Variants in SPRY3 observed in about 807,000 individuals in gnomAD.
SPRY3 encodes the protein protein sprouty homolog 3.
In SPRY3, 15 loss-of-function variants were observed where a neutral mutation model predicts 20.2. The ratio of observed to expected loss-of-function variants is 0.74; its 90% confidence interval spans 0.50 to 1.14. SPRY3 has a LOEUF of 1.14. SPRY3 is among the 50% of genes most tolerant of loss of function. The probability of loss-of-function intolerance (pLI) is 0.00; values close to 1 mark genes in which losing one functional copy is unlikely to be tolerated. For missense variants in SPRY3, 364 were observed against 363.9 expected, an observed-to-expected ratio of 1.00 and a Z score of 0.00; for synonymous variants, 143 against 136.5, an observed-to-expected ratio of 1.05 and a Z score of -0.33.
chrX:155,633,402 A>T (rs1306212263), intron 1 of SPRY3, among the ~76,000 whole-genome samples: 2 of 105,955 alleles, frequency 1.9e-5, no homozygotes, highest in Non-Finnish European at 3.9e-5. Context: ...AAAAAAAAAA[A>T]AGTTCATAGA....
intron 1 of SPRY3, among the ~76,000 whole-genome samples, chrX:155,617,853 C>A (rs1557349059): frequency 1.8e-5 from 2 of 111,731 alleles, no homozygotes; most frequent in Non-Finnish European, 3.8e-5. Flanking sequence ...TCATATATTT[C>A]TTTGGTTTTA....
intron 1 of SPRY3, among the ~76,000 whole-genome samples, chrX:155,633,376 TAAAA>T (rs1170609386): frequency 2.9e-3 from 62 of 21,092 alleles, no homozygotes; most frequent in South Asian, 0.026. Flanking sequence ...CCGTCTCTAC[TAAAA>T]AAAAAAAAAA....
chrX:155,743,189 C>T (rs2091211497), intron 2 of SPRY3, among the ~76,000 whole-genome samples: 1 of 152,132 alleles, frequency 6.6e-6, no homozygotes, highest in South Asian at 2.1e-4. Context: ...CTATAAACAC[C>T]TCTGTGCAAA....
At chrX:155,724,789 T>C (rs1433936867) in intron 2 of SPRY3, among the ~76,000 whole-genome samples, 3 of 152,188 alleles carry the variant, frequency 2.0e-5, no homozygotes, top group Non-Finnish European at 4.4e-5. Flanking sequence ...CTTCCTCTTT[T>C]TCTAATTGAA....
chrX:155,740,185 A>G (rs1194710877), intron 2 of SPRY3, among the ~76,000 whole-genome samples: 1 of 152,158 alleles, frequency 6.6e-6, no homozygotes, highest in Non-Finnish European at 1.5e-5. Flanking sequence ...TATCTTCATA[A>G]GCTGAGGATG....
At chrX:155,634,346 A>G (rs190776178) in intron 1 of SPRY3, among the ~76,000 whole-genome samples, 34 of 111,800 alleles carry the variant, frequency 3.0e-4, no homozygotes, top group Admixed American at 2.9e-3. Flanking sequence ...ATTTACCATA[A>G]TATTTCTGCT....
chrX:155,732,467 G>T (rs1051198772), intron 2 of SPRY3, among the ~76,000 whole-genome samples: 1 of 152,016 alleles, frequency 6.6e-6, no homozygotes, highest in Admixed American at 6.6e-5. Flanking sequence ...TCTCAGCCCA[G>T]TTAAAATTGA....
At chrX:155,683,299 G>A (rs2068078846) in intron 2 of SPRY3, among the ~76,000 whole-genome samples, 1 of 111,403 alleles carries the variant, frequency 9.0e-6, no homozygotes, top group Admixed American at 9.5e-5. Flanking sequence ...AGAGTCGGTC[G>A]AGTGGGCAAA....
chrX:155,766,585 A>G (rs2091331730), intron 2 of SPRY3, among the ~76,000 whole-genome samples: 2 of 152,190 alleles, frequency 1.3e-5, no homozygotes, highest in South Asian at 4.2e-4. Flanking sequence ...ACTTGAAATC[A>G]GATCTCCTTT....
chrX:155,621,997 A>C (rs921107066), intron 1 of SPRY3, among the ~76,000 whole-genome samples: 1 of 111,577 alleles, frequency 9.0e-6, no homozygotes, highest in East Asian at 2.8e-4. Flanking sequence ...GGTCCTCACT[A>C]TCAAGTCAGT....
At chrX:155,774,738 A>T (rs768175750) in exon 4 of SPRY3, 67 of 1,606,782 alleles carry the variant, frequency 4.2e-5, no homozygotes, top group Non-Finnish European at 5.1e-5. Context: ...AGTCTGTATG[A>T]CCTTCCAACA....
intron 2 of SPRY3, among the ~76,000 whole-genome samples, chrX:155,745,730 A>G (rs780421487): frequency 1.3e-5 from 2 of 152,228 alleles, no homozygotes; most frequent in East Asian, 1.9e-4. Context: ...GCTTAAGATA[A>G]AATATGTAAT....
intron 1 of SPRY3, among the ~76,000 whole-genome samples, chrX:155,623,933 A>G (rs1435953632): frequency 8.9e-6 from 1 of 112,088 alleles, no homozygotes; most frequent in Non-Finnish European, 1.9e-5. Context: ...CATCTGGGAG[A>G]TAAGGTTAAT....
At chrX:155,714,562 G>A (rs182976090) in intron 2 of SPRY3, among the ~76,000 whole-genome samples, 95 of 152,236 alleles carry the variant, frequency 6.2e-4, no homozygotes, top group Non-Finnish European at 2.9e-4. Context: ...CTGGGAGTGT[G>A]GTGATGCAAG....
At chrX:155,678,154 C>T (rs1603132462) in intron 2 of SPRY3, among the ~76,000 whole-genome samples, 1 of 111,318 alleles carries the variant, frequency 9.0e-6, no homozygotes, top group South Asian at 3.8e-4. Flanking sequence ...GTAGGGAACC[C>T]TACAGACCCT....
chrX:155,617,785 T>C (rs1467104946), intron 1 of SPRY3, among the ~76,000 whole-genome samples: 1 of 111,896 alleles, frequency 8.9e-6, no homozygotes, highest in Non-Finnish European at 1.9e-5. Context: ...GAGTAAGAAA[T>C]AACAAATAAG....
At chrX:155,678,689 T>C (rs1001608277) in intron 2 of SPRY3, among the ~76,000 whole-genome samples, 4 of 111,657 alleles carry the variant, frequency 3.6e-5, no homozygotes, top group African/African-American at 1.3e-4. Context: ...AACAGAAAAC[T>C]GTGATGCCTT....
At chrX:155,654,385 C>T (rs2067985584) in intron 1 of SPRY3, among the ~76,000 whole-genome samples, 1 of 111,262 alleles carries the variant, frequency 9.0e-6, no homozygotes, top group Non-Finnish European at 1.9e-5. Flanking sequence ...GGATATATTA[C>T]ATAATGATAA....
chrX:155,687,576 G>C (rs2068091037), intron 2 of SPRY3, among the ~76,000 whole-genome samples: 1 of 112,339 alleles, frequency 8.9e-6, no homozygotes, highest in South Asian at 3.7e-4. Flanking sequence ...CCATTTCTCA[G>C]TTATGCTTTC....
Sources: allele counts gnomAD v4.1 joint callset (sites outside exome capture counted in the v4.1 genomes callset), GRCh38; gene constraint gnomAD v4.1.1; transcripts MANE v1.5; gene names NCBI Gene and HGNC (gene_info 2026-07-23, HGNC 2026-07-21).